Variants in MID1 observed in about 807,000 individuals in gnomAD.
MID1 encodes midline 1.
Under a neutral mutation model 40.4 loss-of-function variants are expected in MID1, and 7 were observed. That is an observed-to-expected ratio of 0.17 (90% CI 0.10 to 0.33). The LOEUF is 0.33. Among genes scored for constraint, MID1 ranks in the 10% least tolerant of loss-of-function variants. MID1 has a pLI of 1.00. For synonymous variants in MID1, 229 were observed against 221.2 expected (o/e 1.04, Z -0.31); for missense variants, 367 against 558.5 (o/e 0.66, Z 3.46).
At chrX:10,591,208 G>C (rs1016182423) in intron 1 of MID1, among the ~76,000 whole-genome samples, 2 of 112,232 alleles carry the variant, frequency 1.8e-5, no homozygotes, top group African/African-American at 6.5e-5. Flanking sequence ...ATACTGATTA[G>C]AGAAAGTATC....
chrX:10,649,219 A>G (rs1936292679), intron 1 of MID1, among the ~76,000 whole-genome samples: 1 of 112,022 alleles, frequency 8.9e-6, no homozygotes, highest in Admixed American at 9.5e-5. Flanking sequence ...AAGTAGGTGC[A>G]TGTAAGTGGG....
intron 1 of MID1, among the ~76,000 whole-genome samples, chrX:10,590,102 C>T (rs140676124): frequency 0.015 from 1,694 of 110,375 alleles, 37 homozygotes; most frequent in African/African-American, 0.051. Context: ...CAGAACAGAC[C>T]GGGAAGTTTT....
intron 1 of MID1, among the ~76,000 whole-genome samples, chrX:10,808,763 T>C (rs1396018546): frequency 1.8e-5 from 2 of 111,610 alleles, no homozygotes; most frequent in Admixed American, 9.6e-5. Flanking sequence ...TTACACCTTA[T>C]ACAAAAATTA....
At chrX:10,672,442 GTGGCCCCAGTGT>G (rs2042993884) in intron 1 of MID1, among the ~76,000 whole-genome samples, 1 of 111,042 alleles carries the variant, frequency 9.0e-6, no homozygotes, top group African/African-American at 3.3e-5. Context: ...GGGTCACCTG[GTGGCCCCAGTGT>G]AATTGCACAG....
intron 2 of MID1, among the ~76,000 whole-genome samples, chrX:10,532,064 G>A (rs996774768): frequency 8.9e-5 from 10 of 112,548 alleles, no homozygotes; most frequent in African/African-American, 3.2e-4. Context: ...CATTTTGTAA[G>A]ACTATAACAC....
At chrX:10,494,729 G>A (rs1363387030) in intron 4 of MID1, among the ~76,000 whole-genome samples, 3 of 100,545 alleles carry the variant, frequency 3.0e-5, no homozygotes, top group Non-Finnish European at 6.0e-5. Flanking sequence ...AGCCATGATC[G>A]TGCCACTGCA....
At chrX:10,707,020 T>G (rs772958992) in intron 1 of MID1, among the ~76,000 whole-genome samples, 1 of 112,259 alleles carries the variant, frequency 8.9e-6, no homozygotes, top group Admixed American at 9.5e-5. Context: ...TTGAGAAGGC[T>G]AGAATCAAGG....
intron 1 of MID1, among the ~76,000 whole-genome samples, chrX:10,593,875 T>G (rs2147512205): frequency 9.0e-6 from 1 of 110,520 alleles, no homozygotes; most frequent in Admixed American, 9.7e-5. Flanking sequence ...GGCAAATTTA[T>G]TTTGAAATCT....
chrX:10,524,581 GTGTTCATA>G lies in MID1; in HGVS notation c.661-1402_661-1395del, dbSNP rs755567520. Among the ~76,000 whole-genome samples, 735 of 111,262 alleles carry G rather than the reference GTGTTCATA, an allele frequency of 6.6e-3. 8 individuals are homozygous for G. Among genetic ancestry groups the G allele is most frequent in the African/African-American group, 0.023 (691 of 29,876 alleles). ...TCCTACCATTCATTCATTTACTTAT[GTGTTCATA>G]CAACAAGTACTTATTAAGCTTCTAC... On this transcript the variant is annotated intron_variant, in intron 2 of 9. Transcript: ENST00000317552.
At chrX:10,651,817 G>A (rs930604386) in intron 1 of MID1, among the ~76,000 whole-genome samples, 3 of 110,961 alleles carry the variant, frequency 2.7e-5, no homozygotes, top group East Asian at 5.7e-4. Flanking sequence ...CAGTAAAGGC[G>A]GGGTCCCACC....
At chrX:10,513,358 G>A (rs1180607790) in intron 3 of MID1, among the ~76,000 whole-genome samples, 2 of 112,331 alleles carry the variant, frequency 1.8e-5, no homozygotes, top group East Asian at 5.6e-4. Flanking sequence ...TGAATGTCAT[G>A]AATGGGAGCA....
intron 1 of MID1, among the ~76,000 whole-genome samples, chrX:10,809,618 G>T (rs1476160430): frequency 1.8e-5 from 2 of 111,358 alleles, no homozygotes; most frequent in Non-Finnish European, 3.8e-5. Flanking sequence ...ATGAGTTCAT[G>T]TCCTTTGTAG....
intron 3 of MID1, among the ~76,000 whole-genome samples, chrX:10,500,851 T>A (rs1931505357): frequency 8.9e-6 from 1 of 112,002 alleles, no homozygotes; most frequent in Non-Finnish European, 1.9e-5. Context: ...AAACTCTTCT[T>A]TCCACTTTTG....
upstream of MID1, among the ~76,000 whole-genome samples, chrX:10,624,945 A>G (rs1036717818): frequency 8.9e-6 from 1 of 112,340 alleles, no homozygotes; most frequent in African/African-American, 3.2e-5. Flanking sequence ...TCCACTCCCA[A>G]TTGAACTTTC....
At chrX:10,668,687 G>A (rs776732394) in intron 1 of MID1, among the ~76,000 whole-genome samples, 1 of 112,422 alleles carries the variant, frequency 8.9e-6, no homozygotes, top group East Asian at 2.8e-4. Context: ...TAACAAATTT[G>A]TGAATTAGCA....
chrX:10,716,620 G>A (rs2043305423), intron 1 of MID1, among the ~76,000 whole-genome samples: 1 of 111,834 alleles, frequency 8.9e-6, no homozygotes, highest in Admixed American at 9.5e-5. Context: ...AAAACACTCT[G>A]CAGGATATTA....
intron 1 of MID1, among the ~76,000 whole-genome samples, chrX:10,594,781 C>T (rs913997421): frequency 2.7e-5 from 3 of 111,618 alleles, no homozygotes. Context: ...AATAGAGTAG[C>T]GCACTTGTAT....
rs781707475 is a variant in MID1, at chrX:10,495,670, C to T, written c.778G>A (p.Ala260Thr). The change falls in exon 4 of 10, where the codon GCC becomes ACC. Residue 260 changes from alanine to threonine, a missense_variant. This residue lies in a region of MID1 where 275 missense variants were observed against 383.1 expected (regional missense o/e 0.72). Transcript: ENST00000317552. Reference protein sequence around the residue: ...HVEVNASRQEAKLTEECDLLI... With the variant: ...HVEVNASRQETKLTEECDLLI... ...AGATCACACTCCTCTGTCAATTTGGCTTCTTGACGTGATGCATTGACCTAC... is the reference window on the plus strand; with the variant it reads ...AGATCACACTCCTCTGTCAATTTGGTTTCTTGACGTGATGCATTGACCTAC... 19 of 1,204,780 alleles carry T rather than the reference C, an allele frequency of 1.6e-5. No homozygotes were observed. The Admixed American group carries it at 3.7e-4, about 24-fold the overall frequency.
chrX:10,598,033 TCAA>T (rs932025346), intron 1 of MID1, among the ~76,000 whole-genome samples: 2 of 111,526 alleles, frequency 1.8e-5, no homozygotes, highest in African/African-American at 6.5e-5. Context: ...AGTCTGCATC[TCAA>T]CATTTATCAG....
Sources: gnomAD v4.1 joint callset for allele counts (sites outside exome capture counted in the v4.1 genomes callset) on GRCh38, gnomAD v4.1.1 for gene constraint, gnomAD v4.1.1 regional missense constraint, MANE v1.5 for transcripts, NCBI Gene and HGNC (gene_info 2026-07-23, HGNC 2026-07-21) for gene names.